The following DNAH12 variants were observed in gnomAD, a reference collection of about 807,000 sequenced individuals.
DNAH12 encodes the protein axonemal beta dynein heavy chain 12.
In DNAH12, 285 loss-of-function variants were observed where a neutral mutation model predicts 371.5. The observed-to-expected ratio is 0.77, with a 90% CI of 0.70 to 0.85. The LOEUF is 0.85. DNAH12 is among the 40% of genes least tolerant of loss of function. DNAH12 has a pLI of 0.00. For synonymous variants in DNAH12, 1,200 were observed against 1,213.0 expected (o/e 0.99, Z 0.22); for missense variants, 3,611 against 3,689.4 (o/e 0.98, Z 0.55).
upstream of DNAH12, among the ~76,000 whole-genome samples, chr3:57,546,481 A>G (rs376933733): frequency 2.0e-5 from 3 of 152,234 alleles, no homozygotes; most frequent in East Asian, 3.9e-4. Context: ...AGCTGGGACT[A>G]CAGGCACACA....
intron 43 of DNAH12, among the ~76,000 whole-genome samples, chr3:57,401,598 G>C (rs1294692446): frequency 7.1e-6 from 1 of 140,834 alleles, no homozygotes; most frequent in African/African-American, 2.7e-5. Flanking sequence ...AGAAGAAGAA[G>C]AAAGACATAA....
intron 40 of DNAH12, among the ~76,000 whole-genome samples, chr3:57,407,712 A>G (rs532480126): frequency 6.6e-6 from 1 of 152,280 alleles, no homozygotes; most frequent in South Asian, 2.1e-4. Context: ...ACAGAGGCAA[A>G]TAACACACCC....
At chr3:57,472,746 C>G (rs2066403259) in intron 13 of DNAH12, 75 bp from the exon 14 acceptor site, 1 of 1,423,108 alleles carries the variant, frequency 7.0e-7, no homozygotes, top group African/African-American at 1.4e-5. Context: ...GAACCAACAA[C>G]AATCTCTAAT....
At chr3:57,309,045 C>T (rs1274523642) in intron 69 of DNAH12, 106 bp downstream of exon 69, 2 of 778,318 alleles carry the variant, frequency 2.6e-6, no homozygotes, top group Non-Finnish European at 3.9e-6. Context: ...TCTCTTCATA[C>T]CACCCTCAAA....
In DNAH12 at chr3:57,317,891, T is replaced by C. The variant is rs578105912; in HGVS notation, c.10525-3260A>G. Reference sequence around the variant, plus strand: ...TATGAGATGATATCTCATTGTGGTTTTGATTTGCATTTCCCTGCTGACTAC... The same window carrying C: ...TATGAGATGATATCTCATTGTGGTTCTGATTTGCATTTCCCTGCTGACTAC... On this transcript the variant is annotated intron_variant, in intron 65 of 73. Coordinates refer to ENST00000495027, the MANE Select transcript of DNAH12 (RefSeq NM_001366028.2). Among the ~76,000 whole-genome samples, 4 of 152,358 alleles carry C rather than the reference T, an allele frequency of 2.6e-5. No homozygotes were observed. In the South Asian group the frequency reaches 8.3e-4, roughly 32 times the overall value.
intron 70 of DNAH12, among the ~76,000 whole-genome samples, chr3:57,301,474 T>C (rs1313930457): frequency 4.6e-5 from 7 of 151,966 alleles, no homozygotes. Context: ...AGTATAATTT[T>C]AATTTTCCAC....
chr3:57,393,555 G>A lies in DNAH12; in HGVS notation c.7110+616C>T, dbSNP rs1413805820. ...GCAGGAGAATGGCGTGAACCCGGGA[G>A]GCGGAGGTTGCAGTGAGGCGAGACC... On this transcript the variant is annotated intron_variant, in intron 44 of 73. Coordinates refer to ENST00000495027, the MANE Select transcript of DNAH12 (RefSeq NM_001366028.2). 9.5e-3 allele frequency among the ~76,000 whole-genome samples: 1,410 copies of A among 148,222 alleles called. 21 individuals carry two copies. Among genetic ancestry groups the A allele is most frequent in the African/African-American group, 0.033 (1,335 of 40,268 alleles).
At chr3:57,513,184 G>A (rs1484343007) in intron 4 of DNAH12, among the ~76,000 whole-genome samples, 1 of 151,178 alleles carries the variant, frequency 6.6e-6, no homozygotes, top group Non-Finnish European at 1.5e-5. Flanking sequence ...ATACTACACA[G>A]GCATAAAAAG....
At chr3:57,309,880 A>G (rs747228637) in intron 67 of DNAH12, 26 bp from the exon 68 acceptor site, 16 of 1,536,782 alleles carry the variant, frequency 1.0e-5, no homozygotes, top group Non-Finnish European at 1.4e-5. Context: ...TTAAGCATGC[A>G]TCATATTTTC....
intron 12 of DNAH12, among the ~76,000 whole-genome samples, chr3:57,486,545 T>C (rs929575112): frequency 6.6e-6 from 1 of 152,034 alleles, no homozygotes; most frequent in African/African-American, 2.4e-5. Context: ...TTTGGAGAAA[T>C]ATGTGGGAAA....
At chr3:57,367,915 A>G (rs1322568345) in intron 56 of DNAH12, 131 bp downstream of exon 56, 2 of 152,320 alleles carry the variant, frequency 1.3e-5, no homozygotes, top group East Asian at 3.9e-4. Context: ...ATTTCCTTTC[A>G]CTCATAACAA....
At position 57,472,598 on chromosome 3, in the gene DNAH12, G is replaced by T. The variant is rs982627441; in HGVS notation, c.1724C>A (p.Thr575Asn). 4 of 1,551,106 alleles carry T rather than the reference G, an allele frequency of 2.6e-6. No individual in the cohort carries two copies. The highest frequency in any genetic ancestry group is 3.5e-6 in the Non-Finnish European group (4 of 1,146,790). ...FPQEDLALNATVLMWPRKINP... is the reference protein window; with the variant it reads ...FPQEDLALNANVLMWPRKINP... ...AATTTTCCTAGGCCACATGAGGACA[G>T]TTGCATTTAAAGCTAAGTCTTCTTG... The change falls in exon 14 of 74, where the codon ACT (threonine) becomes AAT (asparagine). Residue 575 changes from threonine (T) to asparagine (N), a missense_variant. Transcript: ENST00000495027.
chr3:57,444,907 C>A (rs2065432654), intron 28 of DNAH12, 91 bp from the exon 29 acceptor site: 1 of 1,436,494 alleles, frequency 7.0e-7, no homozygotes, highest in Non-Finnish European at 9.2e-7. Context: ...CCTGCCCCAC[C>A]CCACCCCCCT....
At chr3:57,302,912 T>C (rs2061391368) in intron 69 of DNAH12, among the ~76,000 whole-genome samples, 3 of 151,530 alleles carry the variant, frequency 2.0e-5, no homozygotes, top group Admixed American at 1.3e-4. Flanking sequence ...TGACTACACA[T>C]AGGTCTAGCT....
chr3:57,363,449 T>G (rs926866576), intron 58 of DNAH12, 145 bp downstream of exon 58: 1 of 152,190 alleles, frequency 6.6e-6, no homozygotes, highest in African/African-American at 2.4e-5. Flanking sequence ...TTTAAATTTA[T>G]GTTTTGGTAT....
intron 40 of DNAH12, 103 bp downstream of exon 40, chr3:57,408,177 T>C (rs1245216557): frequency 3.1e-6 from 4 of 1,282,926 alleles, no homozygotes; most frequent in Non-Finnish European, 4.1e-6. Context: ...AAACAGTTTC[T>C]CTGACACCAA....
intron 4 of DNAH12, among the ~76,000 whole-genome samples, chr3:57,514,615 G>T (rs1054563913): frequency 5.9e-5 from 9 of 152,030 alleles, no homozygotes; most frequent in Admixed American, 2.0e-4. Context: ...GATGGGAGAT[G>T]CTTCTCTGAG....
At chr3:57,531,005 T>C (rs2153400292) in intron 2 of DNAH12, 1 of 152,644 alleles carries the variant, frequency 6.6e-6, no homozygotes, top group South Asian at 2.0e-4. Flanking sequence ...AAATTGTTAT[T>C]GTTTTGATTG....
At chr3:57,295,647 G>A in intron 72 of DNAH12, 55 bp from the exon 73 acceptor site, 1 of 1,432,934 alleles carries the variant, frequency 7.0e-7, no homozygotes, top group Non-Finnish European at 9.4e-7. Flanking sequence ...TCACTTCTGA[G>A]AACAGATTGC....
Sources: gnomAD v4.1 joint callset for allele counts (sites outside exome capture counted in the v4.1 genomes callset) on GRCh38, gnomAD v4.1.1 for gene constraint, MANE v1.5 for transcripts, NCBI Gene and HGNC (gene_info 2026-07-23, HGNC 2026-07-21) for gene names.